CNKSR3: variants seen among roughly 807,000 people sequenced by gnomAD.
CNKSR3 encodes CNKSR family member 3.
A neutral mutation model predicts 67.7 loss-of-function variants in CNKSR3; 36 were observed. The ratio of observed to expected loss-of-function variants is 0.53; its 90% CI spans 0.41 to 0.70. The LOEUF (loss-of-function observed/expected upper bound fraction) is 0.70, where lower values mean the gene tolerates loss of function less well. Ranked by LOEUF, CNKSR3 falls within the 30% of genes least tolerant of loss-of-function variation. The pLI is 0.00. For missense variants in CNKSR3, 630 were observed against 695.2 expected, an observed-to-expected ratio of 0.91 and a Z score of 1.05; for synonymous variants, 281 against 271.4, an observed-to-expected ratio of 1.04 and a Z score of -0.35.
intron 1 of CNKSR3, among the ~76,000 whole-genome samples, chr6:154,451,668 A>G (rs1785836250): frequency 6.6e-6 from 1 of 152,204 alleles, no homozygotes; most frequent in Non-Finnish European, 1.5e-5. Flanking sequence ...TTATAATCTG[A>G]TGTGTGAGGC....
chr6:154,509,893 G>A (rs1199276602), intron 1 of CNKSR3, among the ~76,000 whole-genome samples, 170 bp downstream of exon 1: 1 of 152,240 alleles, frequency 6.6e-6, no homozygotes, highest in Non-Finnish European at 1.5e-5. Flanking sequence ...GCTCGGAGCA[G>A]GTACGAGAGA....
rs1232139248 is a variant in CNKSR3, at chr6:154,390,991, G to A, written c.*15363C>T. On this transcript the variant is annotated 3_prime_UTR_variant, in exon 13 of 13. Coordinates refer to ENST00000607772, the MANE Select transcript of CNKSR3 (RefSeq NM_173515.4). ...AATTTTTATATTTTTAGTAGAGAGA[G>A]GGTTTCACCATTCTGGCCAGGCTGG... 1.3e-5 allele frequency: 2 copies of A among 151,970 alleles called. No homozygotes were observed. Among genetic ancestry groups the A allele is most frequent in the Non-Finnish European group, 2.9e-5 (2 of 68,034 alleles). 9.4% of individuals were successfully genotyped at this position (151,970 alleles called of 1,614,324 possible).
chr6:154,415,740 A>G (rs1428563743), intron 9 of CNKSR3, among the ~76,000 whole-genome samples: 2 of 152,240 alleles, frequency 1.3e-5, no homozygotes, highest in Non-Finnish European at 2.9e-5. Context: ...ACATATATGC[A>G]TTCATATATA....
intron 1 of CNKSR3, among the ~76,000 whole-genome samples, chr6:154,499,988 T>C (rs897014000): frequency 1.3e-5 from 2 of 152,062 alleles, no homozygotes; most frequent in Non-Finnish European, 2.9e-5. Context: ...GTGTACAGAG[T>C]CGTTTCCTAA....
rs553850125 is a variant in CNKSR3 at position 154,498,145 on chromosome 6, T to C, written c.52+11918A>G. Among the ~76,000 whole-genome samples, 6 of 152,312 alleles carry C rather than the reference T, an allele frequency of 3.9e-5. No individual in the cohort carries two copies. The East Asian group carries it at 9.6e-4, about 24-fold the overall frequency. On this transcript the variant is annotated intron_variant, in intron 1 of 12. Transcript: ENST00000607772. The stretch of plus-strand genomic sequence containing the variant: ...AATAATACCTGCATGGAATTACATG[T>C]TGCAATTTTAGGAATAACGGAATTA...
At chr6:154,433,426 G>A (rs911501891) in intron 5 of CNKSR3, 40 bp downstream of exon 5, 13 of 1,407,318 alleles carry the variant, frequency 9.2e-6, no homozygotes, top group Non-Finnish European at 9.9e-6. Flanking sequence ...ACTGCCTTTG[G>A]AAAATGAATT....
chr6:154,457,275 G>A lies in CNKSR3; in HGVS notation c.53-7017C>T, dbSNP rs75849850. Among the ~76,000 whole-genome samples, 925 of 152,284 alleles carry A rather than the reference G, an allele frequency of 6.1e-3. 8 individuals are homozygous for A. The highest frequency in any genetic ancestry group is 0.021 in the African/African-American group (882 of 41,564). Reference sequence around the variant, plus strand: ...CTGGTAGGCCTCCGAGTGCCCTTTCGTGAGATGAGTCACCCAGTTACATCA... The same window carrying A: ...CTGGTAGGCCTCCGAGTGCCCTTTCATGAGATGAGTCACCCAGTTACATCA... On this transcript the variant is annotated intron_variant, in intron 1 of 12. Transcript: ENST00000607772.
intron 1 of CNKSR3, among the ~76,000 whole-genome samples, chr6:154,491,072 CCCGACATCAGGTGAT>C (rs893827757): frequency 1.3e-5 from 2 of 152,118 alleles, no homozygotes; most frequent in African/African-American, 4.8e-5. Flanking sequence ...GTCTTGAACT[CCCGACATCAGGTGAT>C]CCGCCCACCT....
intron 1 of CNKSR3, among the ~76,000 whole-genome samples, chr6:154,495,396 G>C (rs1786857576): frequency 6.7e-6 from 1 of 148,820 alleles, no homozygotes; most frequent in African/African-American, 2.5e-5. Context: ...ATAGCTTTTG[G>C]GCTTTTCTGT....
At chr6:154,420,094 A>C (rs1352405774) in intron 9 of CNKSR3, among the ~76,000 whole-genome samples, 1 of 152,100 alleles carries the variant, frequency 6.6e-6, no homozygotes, top group Admixed American at 6.6e-5. Context: ...AACCAAAACA[A>C]AACAAAAAAA....
At chr6:154,412,472 T>C (rs1295685082) in intron 10 of CNKSR3, among the ~76,000 whole-genome samples, 1 of 152,184 alleles carries the variant, frequency 6.6e-6, no homozygotes, top group Non-Finnish European at 1.5e-5. Context: ...AAGAATATTC[T>C]GGATCAAGGG....
At chr6:154,472,120 G>A (rs1306891761) in intron 1 of CNKSR3, among the ~76,000 whole-genome samples, 1 of 152,166 alleles carries the variant, frequency 6.6e-6, no homozygotes, top group Non-Finnish European at 1.5e-5. Context: ...TCCATAATGT[G>A]ACAAAGTGCC....
chr6:154,413,707 G>T (rs1784955574), intron 10 of CNKSR3, among the ~76,000 whole-genome samples: 1 of 151,974 alleles, frequency 6.6e-6, no homozygotes, highest in African/African-American at 2.4e-5. Context: ...CCCCAGGAGA[G>T]CACGTTTTCA....
At chr6:154,415,617 C>T (rs879427392) in intron 9 of CNKSR3, among the ~76,000 whole-genome samples, 2 of 152,132 alleles carry the variant, frequency 1.3e-5, no homozygotes, top group Non-Finnish European at 2.9e-5. Flanking sequence ...AAGGATAGCA[C>T]CAACATAGGG....
intron 2 of CNKSR3, among the ~76,000 whole-genome samples, chr6:154,443,123 T>C (rs2128717945): frequency 6.6e-6 from 1 of 152,034 alleles, no homozygotes; most frequent in East Asian, 1.9e-4. Flanking sequence ...GTCTCGAACT[T>C]GTGAGCTCAG....
In CNKSR3 at chr6:154,476,202, A is replaced by T. The variant is rs1449205540; in HGVS notation, c.53-25944T>A. On this transcript the variant is annotated intron_variant, in intron 1 of 12. Coordinates refer to ENST00000607772, the MANE Select transcript of CNKSR3 (RefSeq NM_173515.4). ...CCGGGCGCGGTGGCTCACACCTGTA[A>T]TTCCAGCACTTTGGGAGGCCAAGGT... Among the ~76,000 whole-genome samples, 6 of 152,222 alleles carry T rather than the reference A, an allele frequency of 3.9e-5. No individual in the cohort carries two copies. In the East Asian group the frequency reaches 1.2e-3, roughly 29 times the overall value.
intron 1 of CNKSR3, among the ~76,000 whole-genome samples, chr6:154,489,204 C>A (rs1346675940): frequency 1.3e-5 from 2 of 152,130 alleles, no homozygotes; most frequent in African/African-American, 4.8e-5. Context: ...CTGAGATGCT[C>A]ACTGTATGTA....
At chr6:154,470,577 G>A (rs1786307566) in intron 1 of CNKSR3, among the ~76,000 whole-genome samples, 1 of 152,086 alleles carries the variant, frequency 6.6e-6, no homozygotes, top group Non-Finnish European at 1.5e-5. Flanking sequence ...TATATCATCA[G>A]GTGATCAAGG....
chr6:154,433,163 G>A (rs999623693), intron 5 of CNKSR3, among the ~76,000 whole-genome samples: 4 of 152,178 alleles, frequency 2.6e-5, no homozygotes, highest in East Asian at 3.9e-4. Flanking sequence ...TTGCACATCA[G>A]TTCAATCCTG....
Sources: allele counts gnomAD v4.1 joint callset (sites outside exome capture counted in the v4.1 genomes callset), GRCh38; gene constraint gnomAD v4.1.1; transcripts MANE v1.5; gene names NCBI Gene and HGNC (gene_info 2026-07-23, HGNC 2026-07-21).